The following RAD51B variants were observed in gnomAD, a reference collection of about 807,000 sequenced individuals.
RAD51B encodes the protein RAD51 paralog B, also known as DNA repair protein RAD51 homolog 2.
RAD51B carries 38 observed loss-of-function variants against 42.2 expected under a neutral mutation model. The observed-to-expected ratio is 0.90, with a 90% CI of 0.70 to 1.18. The LOEUF is 1.18. Among genes scored for constraint, RAD51B ranks in the 50% most tolerant of loss-of-function variants. RAD51B has a pLI of 0.00. For missense variants in RAD51B, 373 were observed against 400.7 expected, an observed-to-expected ratio of 0.93 and a Z score of 0.59; for synonymous variants, 154 against 145.2, an observed-to-expected ratio of 1.06 and a Z score of -0.43.
chr14:68,191,601 C>T (rs548517881), intron 7 of RAD51B, among the ~76,000 whole-genome samples: 1 of 152,302 alleles, frequency 6.6e-6, no homozygotes, highest in South Asian at 2.1e-4. Context: ...TAATGGAAGA[C>T]CCTTTCTTCC....
intron 7 of RAD51B, among the ~76,000 whole-genome samples, chr14:68,097,095 GT>G (rs1566642563): frequency 6.6e-6 from 1 of 151,828 alleles, no homozygotes; most frequent in Non-Finnish European, 1.5e-5. Flanking sequence ...ATTTTCAGTT[GT>G]TTATTATGGA....
chr14:68,297,223 G>A (rs760609593), intron 8 of RAD51B, among the ~76,000 whole-genome samples: 5 of 152,118 alleles, frequency 3.3e-5, no homozygotes, highest in East Asian at 3.8e-4. Flanking sequence ...TTCAAAGCGC[G>A]GTATGAATTT....
intron 7 of RAD51B, among the ~76,000 whole-genome samples, chr14:68,120,700 A>C (rs2077635140): frequency 6.6e-6 from 1 of 151,934 alleles, no homozygotes; most frequent in African/African-American, 2.4e-5. Context: ...TCTCAACTTT[A>C]AGTAAGGGTC....
At chr14:68,475,405 TGAAAAGTGCCATCAG>T (rs1882484557) in intron 10 of RAD51B, among the ~76,000 whole-genome samples, 1 of 152,184 alleles carries the variant, frequency 6.6e-6, no homozygotes, top group African/African-American at 2.4e-5. Context: ...TTGTATGTAT[TGAAAAGTGCCATCAG>T]GACCCTCTTT....
At chr14:68,436,135 G>A (rs1259337708) in intron 9 of RAD51B, among the ~76,000 whole-genome samples, 1 of 152,090 alleles carries the variant, frequency 6.6e-6, no homozygotes, top group Non-Finnish European at 1.5e-5. Flanking sequence ...TTTTCTTCTA[G>A]GATTCTTATA....
At chr14:68,082,153 G>A (rs2076921824) in intron 7 of RAD51B, among the ~76,000 whole-genome samples, 1 of 151,852 alleles carries the variant, frequency 6.6e-6, no homozygotes, top group African/African-American at 2.4e-5. Flanking sequence ...TTAGAGATGG[G>A]GTTTCACCAT....
chr14:67,878,934 G>A (rs28697984), intron 5 of RAD51B, among the ~76,000 whole-genome samples: 7,833 of 152,176 alleles, frequency 0.051, 465 homozygotes, highest in African/African-American at 0.15. Context: ...GGCTGGTCTC[G>A]AACTCCTGAC....
At chr14:68,009,051 G>A (rs1595250054) in intron 7 of RAD51B, among the ~76,000 whole-genome samples, 1 of 151,976 alleles carries the variant, frequency 6.6e-6, no homozygotes, top group South Asian at 2.1e-4. Context: ...TTGTTGAATG[G>A]GATTTCCCTA....
At position 67,875,242 on chromosome 14, in the gene RAD51B, G is replaced by A. The variant is rs2042687575; in HGVS notation, c.452+10103G>A. Among the ~76,000 whole-genome samples the A allele has an allele frequency of 3.3e-5, 5 of 152,280 alleles. 1 individual carries two copies. In the South Asian group the frequency reaches 1.0e-3, roughly 32 times the overall value. ...ACATTAATCAAATAATCACTAAAAT[G>A]TGAAATTGTAAATATTATAACTTAG... On this transcript the variant is annotated intron_variant, in intron 5 of 10. Transcript: ENST00000471583.
intron 10 of RAD51B, among the ~76,000 whole-genome samples, chr14:68,471,232 G>A (rs755076457): frequency 3.5e-4 from 53 of 152,256 alleles, no homozygotes; most frequent in Middle Eastern, 3.4e-3. Context: ...CACTGTGGCC[G>A]ACATTCGGTC....
Position 68,322,141 on chromosome 14 carries a change from T to C in RAD51B, c.853+30161T>C, listed in dbSNP as rs545660890. ...TGTAGTAAGCACTAGATTAAATAAATGTATAAAATGAAGGAAGAAATAATA... is the reference window on the plus strand; with the variant it reads ...TGTAGTAAGCACTAGATTAAATAAACGTATAAAATGAAGGAAGAAATAATA... On this transcript the variant is annotated intron_variant, in intron 8 of 10. Coordinates refer to ENST00000471583, the MANE Select transcript of RAD51B (RefSeq NM_133510.4). Among the ~76,000 whole-genome samples the C allele has an allele frequency of 5.9e-5, 9 of 152,330 alleles. No homozygotes were observed. In the East Asian group the frequency reaches 1.3e-3, roughly 23 times the overall value.
intron 4 of RAD51B, among the ~76,000 whole-genome samples, chr14:67,838,513 G>T (rs1164891524): frequency 6.6e-6 from 1 of 151,970 alleles, no homozygotes; most frequent in African/African-American, 2.4e-5. Context: ...CACAACCATA[G>T]CTCACTGCAG....
At chr14:68,260,664 T>C (rs1239650533) in intron 7 of RAD51B, among the ~76,000 whole-genome samples, 1 of 152,204 alleles carries the variant, frequency 6.6e-6, no homozygotes, top group South Asian at 2.1e-4. Flanking sequence ...CCGGGTATAG[T>C]CAAGACACCT....
At chr14:68,422,370 G>A (rs1475128644) in intron 9 of RAD51B, among the ~76,000 whole-genome samples, 2 of 151,998 alleles carry the variant, frequency 1.3e-5, no homozygotes, top group Admixed American at 1.3e-4. Flanking sequence ...AGCCCAGCCT[G>A]GCCAAGGTGG....
At chr14:68,489,072 G>A (rs1299235272) in intron 10 of RAD51B, among the ~76,000 whole-genome samples, 3 of 151,350 alleles carry the variant, frequency 2.0e-5, no homozygotes, top group South Asian at 4.2e-4. Context: ...TCCTGCCTCA[G>A]CCTCCCAAGT....
chr14:67,991,022 A>G (rs1322476039), intron 7 of RAD51B, among the ~76,000 whole-genome samples: 3 of 152,216 alleles, frequency 2.0e-5, no homozygotes, highest in South Asian at 2.1e-4. Context: ...CAGATAAGTT[A>G]AAACATTAGA....
intron 11 of RAD51B, among the ~76,000 whole-genome samples, chr14:68,674,860 C>T (rs1566970019): frequency 6.6e-6 from 1 of 152,112 alleles, no homozygotes; most frequent in African/African-American, 2.4e-5. Context: ...GCCACAGACC[C>T]ACTTCTCCCT....
chr14:67,921,120 A>G (rs1179530032), intron 7 of RAD51B, among the ~76,000 whole-genome samples: 3 of 152,230 alleles, frequency 2.0e-5, no homozygotes, highest in Admixed American at 1.3e-4. Flanking sequence ...AAAGTTTGTA[A>G]ACAAACAAAA....
At chr14:68,613,594 C>T (rs1474254441), downstream of RAD51B, among the ~76,000 whole-genome samples, 2 of 151,956 alleles carry the variant, frequency 1.3e-5, no homozygotes, top group African/African-American at 4.8e-5. Flanking sequence ...GCTGGGACTA[C>T]AGGAGCCCAC....
Sources: gnomAD v4.1 joint callset for allele counts (sites outside exome capture counted in the v4.1 genomes callset) on GRCh38, gnomAD v4.1.1 for gene constraint, MANE v1.5 for transcripts, NCBI Gene and HGNC (gene_info 2026-07-23, HGNC 2026-07-21) for gene names.